RNF166: variants seen among roughly 807,000 people sequenced by gnomAD.
The protein encoded by RNF166 is ring finger protein 166.
Under a neutral mutation model 29.4 loss-of-function variants are expected in RNF166, and 19 were observed. The observed-to-expected ratio is 0.65, with a 90% CI of 0.45 to 0.95. The LOEUF is 0.95. RNF166 is among the 40% of genes least tolerant of loss of function. RNF166 has a pLI of 0.00. For missense variants in RNF166, 347 were observed against 322.1 expected (o/e 1.08, Z -0.59); for synonymous variants, 171 against 134.5 (o/e 1.27, Z -1.88).
At chr16:88,702,578 C>T (rs1482426416) in intron 1 of RNF166, among the ~76,000 whole-genome samples, 1 of 152,172 alleles carries the variant, frequency 6.6e-6, no homozygotes, top group Non-Finnish European at 1.5e-5. Context: ...GCAAAGGTGG[C>T]CAAGCAGGCA....
rs541285280 is a variant in RNF166 at position 88,697,586 on chromosome 16, C to T, written c.696G>A (p.Leu232=). The part of the protein sequence containing the change: ...EEAAFQAALA[L]SLSEN ...CTTCCCTTCAGTTCTCAGAGAGAGACAGGGCCAGAGCAGCCTGGAAGGCGG... is the reference window on the plus strand; with the variant it reads ...CTTCCCTTCAGTTCTCAGAGAGAGATAGGGCCAGAGCAGCCTGGAAGGCGG... The change falls in exon 6 of 6, where the codon CTG becomes CTA. Residue 232 remains leucine (L), a synonymous_variant. Transcript: ENST00000312838. 1.3e-6 allele frequency: 2 copies of T among 1,550,870 alleles called. No individual in the cohort carries two copies. Among genetic ancestry groups the T allele is most frequent in the Admixed American group, 3.9e-5 (2 of 51,144 alleles).
In RNF166 at chr16:88,698,996, C is replaced by T. The variant is rs1345895518; in HGVS notation, c.515G>A (p.Ser172Asn). 3.7e-6 allele frequency: 6 copies of T among 1,605,162 alleles called. No individual in the cohort carries two copies. Among genetic ancestry groups the T allele is most frequent in the Non-Finnish European group, 5.1e-6 (6 of 1,176,328 alleles). Reference protein sequence around the residue: ...QQELVKHCVESHRSDPNRVVC... With the variant: ...QQELVKHCVENHRSDPNRVVC... Reference sequence around the variant, plus strand: ...CACGCGGTTGGGGTCGCTGCGGTGGCTTTCCACACAGTGCTTCACCAGCTC... The same window carrying T: ...CACGCGGTTGGGGTCGCTGCGGTGGTTTTCCACACAGTGCTTCACCAGCTC... Residue 172 changes from serine (S) to asparagine (N), a missense_variant, in exon 4 of 6, where the codon AGC becomes AAC. Physicochemically the swap from Ser to Asn is conservative, Grantham distance 46. Transcript: ENST00000312838.
In RNF166 at chr16:88,706,347, C is replaced by A; in HGVS notation, c.-22G>T. 8.2e-7 allele frequency: 1 copy of A among 1,213,062 alleles called. No homozygotes were observed. Among genetic ancestry groups the A allele is most frequent in the Non-Finnish European group, 1.0e-6 (1 of 976,222 alleles). The allele number at this position is 1,213,062 out of a possible 1,614,324, so 75.1% of individuals were successfully genotyped here. A position where few individuals can be genotyped will look rare whatever the true frequency, so the allele number is the denominator to read the frequency against. ...CCATCCCGGGGCCAGGCCCGCGCCG[C>A]CCGCCGCCCGCTGTCCTGGCCCGGG... On this transcript the variant is annotated 5_prime_UTR_variant, in exon 1 of 6. Transcript: ENST00000312838.
chr16:88,704,360 G>A lies in RNF166; in HGVS notation c.155+1811C>T, dbSNP rs927170510. 8 of 985,460 alleles carry A rather than the reference G, an allele frequency of 8.1e-6. No homozygotes were observed. In the South Asian group the frequency reaches 2.8e-4, roughly 35 times the overall value. The allele number at this position is 985,460 out of a possible 1,614,324, so 61.0% of individuals were successfully genotyped here. On this transcript the variant is annotated intron_variant, in intron 1 of 5. Transcript: ENST00000312838. ...AAAGGCTGTGTGAAAAGCTCTTGCA[G>A]GACCCGCGGTGAGACTAGGATGGTC...
At chr16:88,698,011 G>C in intron 5 of RNF166, 1 of 496,840 alleles carries the variant, frequency 2.0e-6, no homozygotes, top group Non-Finnish European at 3.6e-6. Flanking sequence ...CCATCGCCAG[G>C]ACTGTTAGCC....
At position 88,696,539 on chromosome 16, in the gene RNF166, A is replaced by G. The variant is rs1291505870; in HGVS notation, c.*1029T>C. ...TTTATTTAAACTTTTTTTTTTAAAA[A>G]AAAGACAGCAATAATTAATGCCAAG... is the stretch of plus-strand genomic sequence containing the variant. On this transcript the variant is annotated 3_prime_UTR_variant, in exon 6 of 6. Coordinates refer to ENST00000312838, the MANE Select transcript of RNF166 (RefSeq NM_178841.4). The G allele has an allele frequency of 6.9e-6, 3 of 431,900 alleles. No homozygotes were observed. The highest frequency in any genetic ancestry group is 1.4e-5 in the Non-Finnish European group (3 of 220,918). The allele number at this position is 431,900 out of a possible 1,614,324, so 26.8% of individuals were successfully genotyped here.
In RNF166 at chr16:88,706,258, C is replaced by T. The variant is rs1366230185; in HGVS notation, c.68G>A (p.Gly23Asp). ...GTACTGCGCCTCCAGGCCGCTGTCG[C>T]CGCCCGCCGGCCCGGCCGGCGGCTG... ...QRQPPAGPAG[G>D]DSGLEAQYTC... is the part of the protein sequence containing the mutation. Residue 23 changes from glycine (G) to aspartate (D), a missense_variant, in exon 1 of 6, where the codon GGC becomes GAC. Coordinates refer to ENST00000312838, the MANE Select transcript of RNF166 (RefSeq NM_178841.4). The T allele has an allele frequency of 3.8e-6, 5 of 1,300,296 alleles. No individual in the cohort carries two copies. The highest frequency in any genetic ancestry group is 3.9e-6 in the Non-Finnish European group (4 of 1,022,082). 80.5% of individuals were successfully genotyped at this position (1,300,296 alleles called of 1,614,324 possible).
At chr16:88,702,639 C>T (rs1271717007) in intron 1 of RNF166, 1 of 946,904 alleles carries the variant, frequency 1.1e-6, no homozygotes, top group Non-Finnish European at 1.3e-6. Context: ...CCACTGGATT[C>T]CCACAGAGCC....
At chr16:88,698,347 C>T (rs756431029) in intron 5 of RNF166, 155 bp downstream of exon 5, 3 of 731,724 alleles carry the variant, frequency 4.1e-6, no homozygotes, top group South Asian at 1.5e-5. Context: ...TGCAGGCAGC[C>T]CCCACAGAAC....
Position 88,700,512 on chromosome 16 carries a change from C to G in RNF166, c.312+750G>C, listed in dbSNP as rs1050229775. ...GGCAGCCCCTGGACATCTGGACCTT[C>G]GACCTCGAGGACAAACCACCGAGGG... On this transcript the variant is annotated intron_variant, in intron 2 of 5. Coordinates refer to ENST00000312838, the MANE Select transcript of RNF166 (RefSeq NM_178841.4). 1.7e-5 allele frequency: 13 copies of G among 771,542 alleles called. 2 individuals are homozygous for G. The highest frequency in any genetic ancestry group is 1.3e-4 in the African/African-American group (7 of 52,962). 47.8% of individuals were successfully genotyped at this position (771,542 alleles called of 1,614,324 possible).
rs528126101 is a variant in RNF166 at position 88,701,761 on chromosome 16, G to A, written c.156-343C>T. On this transcript the variant is annotated intron_variant, in intron 1 of 5. Transcript: ENST00000312838. Reference sequence around the variant, plus strand: ...GCTACCAGGTTCACGTTCACGTGGCGACAACACCTGGGTGGGCTGTGGGGC... The same window carrying A: ...GCTACCAGGTTCACGTTCACGTGGCAACAACACCTGGGTGGGCTGTGGGGC... The A allele has an allele frequency of 1.2e-3, 324 of 274,156 alleles. 3 individuals are homozygous for A. The highest frequency in any genetic ancestry group is 6.9e-3 in the African/African-American group (313 of 45,424). The allele number at this position is 274,156 out of a possible 1,614,324, so 17.0% of individuals were successfully genotyped here.
At chr16:88,703,164 G>A (rs1477438050) in intron 1 of RNF166, 3 of 984,864 alleles carry the variant, frequency 3.0e-6, no homozygotes, top group African/African-American at 1.7e-5. Flanking sequence ...GAAACCCAGT[G>A]ACCAGAAAGC....
At chr16:88,699,243 C>G (rs1182557986) in intron 3 of RNF166, among the ~76,000 whole-genome samples, 158 bp from the exon 4 acceptor site, 1 of 152,224 alleles carries the variant, frequency 6.6e-6, no homozygotes, top group Non-Finnish European at 1.5e-5. Flanking sequence ...ACGCCATGGC[C>G]TCCTGAGGAC....
At chr16:88,698,260 C>G in intron 5 of RNF166, 1 of 688,456 alleles carries the variant, frequency 1.5e-6, no homozygotes, top group South Asian at 1.5e-5. Flanking sequence ...AGGGACCTGC[C>G]CTGTGCGGTC....
chr16:88,703,766 T>C, intron 1 of RNF166: 1 of 985,422 alleles, frequency 1.0e-6, no homozygotes, highest in Non-Finnish European at 1.2e-6. Flanking sequence ...GCACTGGCCC[T>C]CCCAGCAGGC....
intron 1 of RNF166, chr16:88,702,976 C>A (rs550156622): frequency 1.7e-5 from 17 of 985,412 alleles, no homozygotes; most frequent in Non-Finnish European, 1.9e-5. Context: ...CTCAGGTGCC[C>A]GTCGGTAAAC....
At chr16:88,702,804 G>C (rs983650915) in intron 1 of RNF166, 2 of 985,380 alleles carry the variant, frequency 2.0e-6, no homozygotes, top group Non-Finnish European at 2.4e-6. Flanking sequence ...CGCCCCAGCA[G>C]ATATTTCCAG....
intron 1 of RNF166, chr16:88,702,712 A>G: frequency 1.0e-6 from 1 of 985,314 alleles, no homozygotes; most frequent in Non-Finnish European, 1.2e-6. Context: ...TCAGCTTGAG[A>G]CCCGTCAGAA....
At chr16:88,702,925 C>T (rs564620222) in intron 1 of RNF166, 1 of 985,466 alleles carries the variant, frequency 1.0e-6, no homozygotes, top group South Asian at 4.7e-5. Flanking sequence ...CCTCAGGGGA[C>T]CCCCATACTC....
Sources: allele counts gnomAD v4.1 joint callset (sites outside exome capture counted in the v4.1 genomes callset), GRCh38; gene constraint gnomAD v4.1.1; transcripts MANE v1.5; gene names NCBI Gene and HGNC (gene_info 2026-07-23, HGNC 2026-07-21).